The following DOCK1 variants were observed in gnomAD, a reference collection of about 807,000 sequenced individuals.
DOCK1 encodes dedicator of cytokinesis protein 1.
In DOCK1, 138 loss-of-function variants were observed where a neutral mutation model predicts 262.7. The observed-to-expected ratio is 0.53, with a 90% CI of 0.46 to 0.61. DOCK1 has a LOEUF of 0.61. DOCK1 is among the 20% of genes least tolerant of loss of function. DOCK1 has a pLI of 0.00. For synonymous variants in DOCK1, 866 were observed against 867.4 expected (o/e 1.00, Z 0.03); for missense variants, 1,908 against 2,370.7 (o/e 0.80, Z 4.05).
At chr10:127,364,879 C>T (rs2064813933) in intron 33 of DOCK1, among the ~76,000 whole-genome samples, 1 of 151,488 alleles carries the variant, frequency 6.6e-6, no homozygotes, top group Admixed American at 6.6e-5. Flanking sequence ...TCTTTTTTTC[C>T]ATGATAGCAG....
chr10:127,447,703 G>A (rs873185), intron 51 of DOCK1, among the ~76,000 whole-genome samples, 158 bp downstream of exon 51: 122,901 of 152,128 alleles, frequency 0.81, 49,742 homozygotes, highest in East Asian at 0.88. Flanking sequence ...AAAAGATATC[G>A]AAGCAGTAAG....
intron 1 of DOCK1, among the ~76,000 whole-genome samples, chr10:126,949,451 A>T (rs1243787538): frequency 6.6e-6 from 1 of 152,094 alleles, no homozygotes; most frequent in Non-Finnish European, 1.5e-5. Flanking sequence ...GGCAGTCCAA[A>T]GTGGGTAGGT....
intron 29 of DOCK1, among the ~76,000 whole-genome samples, chr10:127,321,365 A>AT (rs113267450): frequency 0.13 from 16,026 of 127,004 alleles, 1,558 homozygotes; most frequent in African/African-American, 0.27. Context: ...TCTCTAGCTC[A>AT]TTTTTTTTTT....
intron 29 of DOCK1, among the ~76,000 whole-genome samples, chr10:127,260,865 G>T (rs2060021045): frequency 8.0e-6 from 1 of 125,396 alleles, no homozygotes. Context: ...TCATCTGTGT[G>T]TGTGCATGTG....
intron 10 of DOCK1, among the ~76,000 whole-genome samples, chr10:127,002,573 T>G (rs188860430): frequency 0.011 from 1,677 of 152,196 alleles, 24 homozygotes; most frequent in African/African-American, 0.032. Context: ...GGGTCTAGAG[T>G]TAGGTTGGGC....
intron 35 of DOCK1, among the ~76,000 whole-genome samples, chr10:127,374,715 A>G (rs1437946893): frequency 6.6e-6 from 1 of 152,192 alleles, no homozygotes; most frequent in Admixed American, 6.5e-5. Context: ...ACTAACTCCA[A>G]TGACAGGTGT....
chr10:127,009,837 C>T (rs1340679284), intron 11 of DOCK1, among the ~76,000 whole-genome samples: 3 of 151,846 alleles, frequency 2.0e-5, no homozygotes, highest in Non-Finnish European at 2.9e-5. Flanking sequence ...CTCTGCCCCA[C>T]GCATCCTTGG....
intron 25 of DOCK1, among the ~76,000 whole-genome samples, chr10:127,125,124 AAAC>A (rs951202439): frequency 5.3e-5 from 8 of 152,234 alleles, no homozygotes; most frequent in Non-Finnish European, 1.0e-4. Flanking sequence ...CTCAAAAACA[AAAC>A]AACAACAAAA....
intron 25 of DOCK1, 131 bp from the exon 26 acceptor site, chr10:127,125,343 C>G (rs1348190395): frequency 1.6e-6 from 2 of 1,256,668 alleles, no homozygotes; most frequent in African/African-American, 3.0e-5. Flanking sequence ...AATTGACCCC[C>G]CTCCAGATGT....
At chr10:127,242,019 A>G (rs991316266) in intron 27 of DOCK1, among the ~76,000 whole-genome samples, 1 of 152,174 alleles carries the variant, frequency 6.6e-6, no homozygotes, top group East Asian at 1.9e-4. Context: ...GTTTTGCACC[A>G]GGGATTCACA....
chr10:127,190,216 G>C (rs1020042121), intron 27 of DOCK1, among the ~76,000 whole-genome samples: 5 of 152,216 alleles, frequency 3.3e-5, no homozygotes, highest in Admixed American at 6.5e-5. Context: ...CGCTGAGGTT[G>C]AGTTTGGTGG....
chr10:127,295,543 A>G (rs1017589021), intron 29 of DOCK1, among the ~76,000 whole-genome samples: 1 of 152,086 alleles, frequency 6.6e-6, no homozygotes. Context: ...AGAAATACCT[A>G]GGTGTGGTTG....
Position 127,175,140 on chromosome 10 carries a change from G to C in DOCK1, c.2847+47376G>C. 7.5e-7 allele frequency: 1 copy of C among 1,339,404 alleles called. No homozygotes were observed. Among genetic ancestry groups the C allele is most frequent in the Non-Finnish European group, 1.0e-6 (1 of 959,772 alleles). The allele number at this position is 1,339,404 out of a possible 1,614,324, so 83.0% of individuals were successfully genotyped here. ...GGCTTTAGTCTCATTACAGACTTGG[G>C]TTTGGGGCTACAGATGGACTCTGTG... On this transcript the variant is annotated intron_variant, in intron 27 of 51. Coordinates refer to ENST00000623213, the MANE Select transcript of DOCK1 (RefSeq NM_001290223.2). This position sits in a 1 kb window ranked among gnomAD's most constrained non-coding sequence, Gnocchi z 6.3.
chr10:127,030,794 A>ATCTCTGTCTCTG (rs369044608), intron 16 of DOCK1, among the ~76,000 whole-genome samples: 3 of 149,164 alleles, frequency 2.0e-5, no homozygotes, highest in African/African-American at 7.6e-5. Flanking sequence ...ATCTATCTCT[A>ATCTCTGTCTCTG]TCTCTGTCTC....
chr10:127,058,795 G>A (rs11018381), intron 22 of DOCK1, among the ~76,000 whole-genome samples: 194 of 152,120 alleles, frequency 1.3e-3, no homozygotes, highest in Non-Finnish European at 2.0e-3. Context: ...AAAATAGCAC[G>A]CTGGAATTGC....
At chr10:126,917,130 C>T (rs1330351130) in intron 1 of DOCK1, among the ~76,000 whole-genome samples, 2 of 152,166 alleles carry the variant, frequency 1.3e-5, no homozygotes, top group African/African-American at 2.4e-5. Context: ...GCCAGACACC[C>T]CGAGCAGCTC....
At chr10:127,442,555 GA>G (rs1376469775) in intron 49 of DOCK1, among the ~76,000 whole-genome samples, 3 of 152,216 alleles carry the variant, frequency 2.0e-5, no homozygotes, top group African/African-American at 2.4e-5. Flanking sequence ...AACAAACAGG[GA>G]AAGGGCTTAG....
At chr10:126,905,920 C>T (rs1402874866) in intron 1 of DOCK1, among the ~76,000 whole-genome samples, 1 of 152,108 alleles carries the variant, frequency 6.6e-6, no homozygotes, top group Non-Finnish European at 1.5e-5. Flanking sequence ...CTGCTATCTG[C>T]GCGGCTGGGC....
chr10:126,950,037 A>G (rs1446559774), intron 1 of DOCK1, among the ~76,000 whole-genome samples: 14 of 149,788 alleles, frequency 9.3e-5, no homozygotes, highest in Non-Finnish European at 1.8e-4. Flanking sequence ...GGAGCCATCT[A>G]ACATCCTCTC....
Sources: gnomAD v4.1 joint callset for allele counts (sites outside exome capture counted in the v4.1 genomes callset) on GRCh38, gnomAD v4.1.1 for gene constraint, Gnocchi (gnomAD v3.1) non-coding constraint, MANE v1.5 for transcripts, NCBI Gene and HGNC (gene_info 2026-07-23, HGNC 2026-07-21) for gene names.